CFAP69: variants seen among roughly 807,000 people sequenced by gnomAD.
The protein encoded by CFAP69 is cilia and flagella associated protein 69.
In CFAP69, 92 loss-of-function variants were observed where a neutral mutation model predicts 123.0. The observed-to-expected ratio is 0.75, with a 90% CI of 0.63 to 0.89. The LOEUF is 0.89. Among genes scored for constraint, CFAP69 ranks in the 40% least tolerant of loss-of-function variants. The probability of loss-of-function intolerance (pLI) is 0.00; values close to 1 mark genes in which losing one functional copy is unlikely to be tolerated. For missense variants in CFAP69, 1,067 were observed against 1,096.9 expected, an observed-to-expected ratio of 0.97 and a Z score of 0.39; for synonymous variants, 380 against 364.3, an observed-to-expected ratio of 1.04 and a Z score of -0.49.
In CFAP69 at chr7:90,310,244, T is replaced by C; in HGVS notation, c.*6T>C. 6.3e-7 allele frequency: 1 copy of C among 1,581,536 alleles called. No individual in the cohort carries two copies. Among genetic ancestry groups the C allele is most frequent in the South Asian group, 1.2e-5 (1 of 84,422 alleles). On this transcript the variant is annotated 3_prime_UTR_variant, in exon 23 of 23. Transcript: ENST00000389297. ...AAAAGAGTATTCCTACGTAATATAC[T>C]ATAGAGACTTTTTGAAATAAAGTCA...
downstream of CFAP69, chr7:90,312,707 A>G (rs1794434433): frequency 6.6e-6 from 1 of 152,234 alleles, no homozygotes; most frequent in South Asian, 2.1e-4. Flanking sequence ...ATCACATCCT[A>G]TATTCTCACA....
intron 11 of CFAP69, among the ~76,000 whole-genome samples, chr7:90,278,222 C>G (rs1373547535): frequency 6.6e-6 from 1 of 152,150 alleles, no homozygotes; most frequent in Non-Finnish European, 1.5e-5. Context: ...CTACCGCTTT[C>G]TAGCTATGTG....
At chr7:90,266,849 A>G (rs1799226593) in intron 5 of CFAP69, among the ~76,000 whole-genome samples, 1 of 152,212 alleles carries the variant, frequency 6.6e-6, no homozygotes, top group South Asian at 2.1e-4. Context: ...AGTTTCTACT[A>G]CGTACTAATA....
intron 3 of CFAP69, among the ~76,000 whole-genome samples, chr7:90,259,594 G>A (rs992628598): frequency 7.2e-5 from 11 of 151,956 alleles, no homozygotes; most frequent in African/African-American, 2.4e-4. Flanking sequence ...GGGCTTAAGC[G>A]ATCCTCTCAC....
At chr7:90,289,310 C>A (rs893715508) in intron 15 of CFAP69, among the ~76,000 whole-genome samples, 1 of 152,104 alleles carries the variant, frequency 6.6e-6, no homozygotes, top group African/African-American at 2.4e-5. Flanking sequence ...CACACCCTTA[C>A]CAACACACTG....
At chr7:90,313,211 G>A (rs1348508050), downstream of CFAP69, among the ~76,000 whole-genome samples, 1 of 152,134 alleles carries the variant, frequency 6.6e-6, no homozygotes, top group Non-Finnish European at 1.5e-5. Flanking sequence ...GCTACAATTT[G>A]TTAATACTCC....
intron 1 of CFAP69, among the ~76,000 whole-genome samples, chr7:90,252,587 C>T (rs922362356): frequency 6.6e-6 from 1 of 152,120 alleles, no homozygotes; most frequent in Non-Finnish European, 1.5e-5. Flanking sequence ...GAAAGATTAC[C>T]TGAGCCTAGG....
chr7:90,316,866 A>C, the CFAP69 span: 2 of 152,358 alleles, frequency 1.3e-5, no homozygotes, highest in Admixed American at 1.3e-4. Flanking sequence ...TCGCTGCAAT[A>C]AAATTGTCAT....
chr7:90,266,790 A>G (rs1482030137), intron 5 of CFAP69, among the ~76,000 whole-genome samples: 1 of 152,158 alleles, frequency 6.6e-6, no homozygotes, highest in East Asian at 1.9e-4. Flanking sequence ...AATTGTATAT[A>G]AGATGAAATG....
At chr7:90,264,188 TTAAA>T (rs1196773282) in intron 4 of CFAP69, among the ~76,000 whole-genome samples, 2 of 146,234 alleles carry the variant, frequency 1.4e-5, no homozygotes, top group Non-Finnish European at 3.0e-5. Context: ...ATATTGTACT[TTAAA>T]TAGTACAGGA....
chr7:90,291,066 C>A (rs947588290), intron 15 of CFAP69, among the ~76,000 whole-genome samples: 4 of 152,002 alleles, frequency 2.6e-5, no homozygotes, highest in African/African-American at 9.7e-5. Context: ...GGTTCCTGAT[C>A]CAGACCGAAA....
chr7:90,272,692 G>A (rs17865170), intron 8 of CFAP69, among the ~76,000 whole-genome samples: 2,998 of 152,102 alleles, frequency 0.02, 97 homozygotes, highest in East Asian at 0.11. Context: ...CTAGGACTTC[G>A]TCCCTCCTCT....
Position 90,245,182 on chromosome 7 carries a change from G to C in CFAP69, c.-243G>C, listed in dbSNP as rs747463105. ...CTCTGGCCCCGCCCCCTAGCAACGC[G>C]CTGGCTTGTGTTAACAACCGGCCCG... On this transcript the variant is annotated 5_prime_UTR_variant, in exon 1 of 23. Coordinates refer to ENST00000389297, the MANE Select transcript of CFAP69 (RefSeq NM_001039706.3). 14 of 399,976 alleles carry C rather than the reference G, an allele frequency of 3.5e-5. No individual in the cohort carries two copies. Among genetic ancestry groups the C allele is most frequent in the Admixed American group, 2.4e-4 (5 of 21,204 alleles). 24.8% of individuals were successfully genotyped at this position (399,976 alleles called of 1,614,324 possible).
At chr7:90,269,033 T>A (rs1474986930) in intron 6 of CFAP69, 1 of 150,934 alleles carries the variant, frequency 6.6e-6, no homozygotes, top group Non-Finnish European at 1.5e-5. Context: ...AAAAGAAAGA[T>A]TATTTAAGAC....
chr7:90,307,676 TG>T, intron 20 of CFAP69, 91 bp from the exon 21 acceptor site: 1 of 712,438 alleles, frequency 1.4e-6, no homozygotes. Context: ...GACATGCCAC[TG>T]GACTCCAGCC....
At chr7:90,313,796 G>C (rs537193641), downstream of CFAP69, among the ~76,000 whole-genome samples, 102 of 152,176 alleles carry the variant, frequency 6.7e-4, no homozygotes, top group Non-Finnish European at 1.3e-3. Flanking sequence ...CCCTCCTCAA[G>C]AAGGTAGAAG....
intron 21 of CFAP69, among the ~76,000 whole-genome samples, chr7:90,308,684 A>G (rs962542327): frequency 6.6e-6 from 1 of 152,172 alleles, no homozygotes; most frequent in Non-Finnish European, 1.5e-5. Context: ...TTCTACTTAT[A>G]AAATGTCTTC....
intron 17 of CFAP69, chr7:90,301,209 G>A (rs889151377): frequency 6.6e-6 from 1 of 152,004 alleles, no homozygotes; most frequent in South Asian, 2.1e-4. Flanking sequence ...TGACCTCAGG[G>A]GATCTGCCCA....
chr7:90,247,043 T>A (rs1275187549), intron 1 of CFAP69, among the ~76,000 whole-genome samples: 1 of 152,220 alleles, frequency 6.6e-6, no homozygotes, highest in Non-Finnish European at 1.5e-5. Flanking sequence ...TGTTAATTAC[T>A]AATTCTAAGA....
Sources: gnomAD v4.1 joint callset for allele counts (sites outside exome capture counted in the v4.1 genomes callset) on GRCh38, gnomAD v4.1.1 for gene constraint, MANE v1.5 for transcripts, NCBI Gene and HGNC (gene_info 2026-07-23, HGNC 2026-07-21) for gene names.